The following ATP13A4 variants were observed in gnomAD, a reference collection of about 807,000 sequenced individuals.
The protein encoded by ATP13A4 is probable cation-transporting ATPase 13A4.
A neutral mutation model predicts 142.5 loss-of-function variants in ATP13A4; 114 were observed. The ratio of observed to expected loss-of-function variants is 0.80; its 90% CI spans 0.69 to 0.93. The LOEUF is 0.93. ATP13A4 is among the 40% of genes least tolerant of loss of function. The pLI is 0.00. For synonymous variants in ATP13A4, 488 were observed against 514.8 expected, an observed-to-expected ratio of 0.95 and a Z score of 0.70; for missense variants, 1,392 against 1,454.0, an observed-to-expected ratio of 0.96 and a Z score of 0.69.
intron 16 of ATP13A4, 71 bp downstream of exon 16, chr3:193,456,929 T>C: frequency 6.5e-7 from 1 of 1,537,214 alleles, no homozygotes; most frequent in Non-Finnish European, 8.8e-7. Context: ...AATTAATAGA[T>C]CAAATGCAGT....
intron 28 of ATP13A4, among the ~76,000 whole-genome samples, chr3:193,408,081 ATGAG>A (rs1714592291): frequency 6.6e-6 from 1 of 152,266 alleles, no homozygotes; most frequent in African/African-American, 2.4e-5. Flanking sequence ...TGTATGGTGA[ATGAG>A]TGAATCAATG....
At chr3:193,462,673 T>C (rs1718021643) in intron 13 of ATP13A4, 89 bp downstream of exon 13, 2 of 1,278,640 alleles carry the variant, frequency 1.6e-6, no homozygotes, top group African/African-American at 1.5e-5. Flanking sequence ...AAAGTCCAAA[T>C]GTCTCCATTC....
chr3:193,433,915 C>A lies in ATP13A4; in HGVS notation c.2772G>T (p.Glu924Asp). ...ACTGGTAATTTGAAAGGCTGTTTGT[C>A]TCCTGAAAATAAAAAGAAAGCAGAT... ...QYVGVLLLYW[E>D]TNSLSNYQFL... The change falls in exon 25 of 30, where the codon GAG becomes GAT. Residue 924 changes from glutamate (E) to aspartate (D), a missense_variant and splice_region_variant. Glu to Asp is a conservative substitution (Grantham distance 45, BLOSUM62 2). Transcript: ENST00000342695. The A allele has an allele frequency of 6.2e-7, 1 of 1,613,066 alleles. No homozygotes were observed. The highest frequency in any genetic ancestry group is 8.5e-7 in the Non-Finnish European group (1 of 1,179,040).
chr3:193,448,127 C>T (rs558330538), intron 18 of ATP13A4, 79 bp downstream of exon 18: 18 of 1,587,330 alleles, frequency 1.1e-5, no homozygotes, highest in South Asian at 5.6e-5. Context: ...AGGTAGTCAA[C>T]AACATTTATT....
At chr3:193,405,918 C>T (rs560120791) in intron 29 of ATP13A4, among the ~76,000 whole-genome samples, 1 of 152,144 alleles carries the variant, frequency 6.6e-6, no homozygotes, top group South Asian at 2.1e-4. Context: ...CACTAGATCC[C>T]CCTCTAAAGG....
At chr3:193,497,641 A>C (rs897422353) in intron 3 of ATP13A4, among the ~76,000 whole-genome samples, 1 of 152,200 alleles carries the variant, frequency 6.6e-6, no homozygotes, top group African/African-American at 2.4e-5. Flanking sequence ...TACTATTCAC[A>C]ATAACCAAGA....
intron 1 of ATP13A4, among the ~76,000 whole-genome samples, chr3:193,527,140 C>A (rs1036363531): frequency 5.3e-5 from 8 of 152,178 alleles, no homozygotes; most frequent in African/African-American, 1.9e-4. Flanking sequence ...CTAAACTCCG[C>A]TGCTATTAAA....
At chr3:193,562,293 A>G (rs1724033209) in intron 2 of ATP13A4, among the ~76,000 whole-genome samples, 1 of 152,208 alleles carries the variant, frequency 6.6e-6, no homozygotes, top group African/African-American at 2.4e-5. Context: ...TAAAAAGGAA[A>G]ATAAAAGAAT....
At chr3:193,476,785 G>A (rs1718988558) in intron 8 of ATP13A4, among the ~76,000 whole-genome samples, 2 of 152,026 alleles carry the variant, frequency 1.3e-5, no homozygotes, top group African/African-American at 4.8e-5. Flanking sequence ...AAGAGAGAGA[G>A]AGAGACAGGA....
intron 8 of ATP13A4, among the ~76,000 whole-genome samples, chr3:193,483,534 G>C (rs113037484): frequency 3.3e-5 from 5 of 152,016 alleles, no homozygotes; most frequent in Middle Eastern, 3.2e-3. Context: ...GCGCGATCTC[G>C]GCTCACTGCA....
intron 23 of ATP13A4, among the ~76,000 whole-genome samples, chr3:193,436,869 C>A (rs1427738455): frequency 3.3e-5 from 5 of 149,476 alleles, no homozygotes; most frequent in Non-Finnish European, 7.4e-5. Context: ...CTTTGGGAGG[C>A]CGAGGCGGGC....
chr3:193,513,878 C>G (rs1721265365), intron 2 of ATP13A4, among the ~76,000 whole-genome samples: 1 of 152,168 alleles, frequency 6.6e-6, no homozygotes. Flanking sequence ...CACTCCAGTG[C>G]AGGGAGTGGG....
At chr3:193,507,778 G>A (rs1273191013) in intron 2 of ATP13A4, among the ~76,000 whole-genome samples, 3 of 152,124 alleles carry the variant, frequency 2.0e-5, no homozygotes, top group Admixed American at 2.0e-4. Context: ...TGGAATGCCT[G>A]CATGCCAAGC....
In ATP13A4 at chr3:193,422,796, C is replaced by T. The variant is rs772743034; in HGVS notation, c.2843-8046G>A. ...ATAAAGAAGAAATAACAAACAACAA[C>T]CTAATGTTGAACCTCAAGGAAGTAG... On this transcript the variant is annotated intron_variant, in intron 25 of 29. Transcript: ENST00000342695. 2.1e-4 allele frequency among the ~76,000 whole-genome samples: 31 copies of T among 149,586 alleles called. 2 individuals are homozygous for T. The highest frequency in any genetic ancestry group is 3.4e-3 in the Middle Eastern group (1 of 292).
intron 1 of ATP13A4, among the ~76,000 whole-genome samples, chr3:193,551,538 A>C (rs1048340951): frequency 6.6e-6 from 1 of 152,138 alleles, no homozygotes; most frequent in Non-Finnish European, 1.5e-5. Flanking sequence ...TCCTACCTTT[A>C]TTTAGATGAT....
chr3:193,450,771 T>C (rs1162785644), intron 17 of ATP13A4, among the ~76,000 whole-genome samples: 1 of 152,158 alleles, frequency 6.6e-6, no homozygotes, highest in Non-Finnish European at 1.5e-5. Context: ...ATCTGTTCCT[T>C]GTCTCTGAGG....
intron 14 of ATP13A4, among the ~76,000 whole-genome samples, chr3:193,458,154 AC>A (rs537233260): frequency 1.2e-3 from 185 of 152,312 alleles, no homozygotes; most frequent in Non-Finnish European, 2.2e-3. Context: ...TTTGGAAGGG[AC>A]CCTGAAGATT....
chr3:193,474,995 G>T (rs1023167635), intron 8 of ATP13A4, among the ~76,000 whole-genome samples: 1 of 151,998 alleles, frequency 6.6e-6, no homozygotes, highest in Non-Finnish European at 1.5e-5. Flanking sequence ...AATTTCCAGC[G>T]CATTCTATTG....
At chr3:193,436,780 A>T (rs1303656467) in intron 23 of ATP13A4, among the ~76,000 whole-genome samples, 1 of 150,680 alleles carries the variant, frequency 6.6e-6, no homozygotes, top group Non-Finnish European at 1.5e-5. Context: ...GTTTAAACTC[A>T]TGCCCACTAT....
Sources: allele counts gnomAD v4.1 joint callset (sites outside exome capture counted in the v4.1 genomes callset), GRCh38; gene constraint gnomAD v4.1.1; transcripts MANE v1.5; gene names NCBI Gene and HGNC (gene_info 2026-07-23, HGNC 2026-07-21).